The following PDE4D variants were observed in gnomAD, a reference collection of about 807,000 sequenced individuals.
PDE4D encodes phosphodiesterase 4D.
Under a neutral mutation model 87.4 loss-of-function variants are expected in PDE4D, and 24 were observed. The observed-to-expected ratio is 0.27, with a 90% CI of 0.20 to 0.39. The LOEUF is 0.39. Ranked by LOEUF, PDE4D falls within the 10% of genes least tolerant of loss-of-function variation. The pLI, the probability that PDE4D is intolerant of heterozygous loss-of-function variation, is 1.00. For synonymous variants in PDE4D, 384 were observed against 383.2 expected (o/e 1.00, Z -0.02); for missense variants, 714 against 1,041.0 (o/e 0.69, Z 4.32).
intron 5 of PDE4D, among the ~76,000 whole-genome samples, chr5:59,095,282 A>T (rs1053817450): frequency 6.6e-6 from 1 of 151,150 alleles, no homozygotes; most frequent in Non-Finnish European, 1.5e-5. Flanking sequence ...AATATTCATT[A>T]ACAATCTCAT....
intron 5 of PDE4D, among the ~76,000 whole-genome samples, chr5:59,153,396 G>T (rs74321457): frequency 3.3e-5 from 5 of 152,188 alleles, no homozygotes; most frequent in African/African-American, 7.2e-5. Flanking sequence ...CAATGGTATC[G>T]CTTCTCACAT....
At chr5:60,137,714 C>A (rs1206406604) in intron 2 of PDE4D, among the ~76,000 whole-genome samples, 1 of 152,018 alleles carries the variant, frequency 6.6e-6, no homozygotes, top group Non-Finnish European at 1.5e-5. Flanking sequence ...TAGATTGCAA[C>A]AATTTTCTGC....
chr5:60,450,045 T>C (rs1298786304), intron 1 of PDE4D, among the ~76,000 whole-genome samples: 3 of 146,948 alleles, frequency 2.0e-5, no homozygotes, highest in Non-Finnish European at 4.4e-5. Flanking sequence ...AAAATTTTTT[T>C]TCAGTAAAAA....
chr5:60,178,927 A>T (rs1310623223), intron 2 of PDE4D, among the ~76,000 whole-genome samples: 1 of 152,158 alleles, frequency 6.6e-6, no homozygotes, highest in African/African-American at 2.4e-5. Flanking sequence ...TGTAACTGTC[A>T]TAGTTTGGTC....
intron 5 of PDE4D, among the ~76,000 whole-genome samples, chr5:59,131,108 A>C (rs1449601345): frequency 2.6e-5 from 4 of 152,194 alleles, no homozygotes; most frequent in African/African-American, 9.7e-5. Context: ...GAATATAAAA[A>C]AGATGCCTTA....
chr5:59,853,685 C>T (rs575631603), intron 1 of PDE4D, among the ~76,000 whole-genome samples: 1 of 151,996 alleles, frequency 6.6e-6, no homozygotes, highest in African/African-American at 2.4e-5. Flanking sequence ...AGAGGCAGGG[C>T]AGAAACAGGC....
intron 1 of PDE4D, among the ~76,000 whole-genome samples, chr5:59,273,972 A>G (rs933179720): frequency 1.3e-5 from 2 of 152,156 alleles, no homozygotes; most frequent in Non-Finnish European, 2.9e-5. Flanking sequence ...GTTAAACACT[A>G]TTTTTAAAGT....
chr5:60,426,075 C>T (rs1366319387), intron 1 of PDE4D, among the ~76,000 whole-genome samples: 1 of 152,200 alleles, frequency 6.6e-6, no homozygotes, highest in African/African-American at 2.4e-5. Context: ...AATGCCTTTA[C>T]ACTTGGTGGG....
intron 1 of PDE4D, among the ~76,000 whole-genome samples, chr5:60,327,466 T>C (rs1285586429): frequency 6.6e-6 from 1 of 152,192 alleles, no homozygotes; most frequent in Non-Finnish European, 1.5e-5. Flanking sequence ...AGACTGCCCT[T>C]TTTGCATCTG....
At chr5:59,025,843 C>G (rs995944387) in intron 6 of PDE4D, among the ~76,000 whole-genome samples, 5 of 152,348 alleles carry the variant, frequency 3.3e-5, no homozygotes, top group African/African-American at 1.2e-4. Context: ...CAGGCCTGTA[C>G]TTTCTACTCT....
At chr5:60,407,860 C>T (rs1319911703) in intron 1 of PDE4D, among the ~76,000 whole-genome samples, 4 of 152,234 alleles carry the variant, frequency 2.6e-5, no homozygotes, top group South Asian at 2.1e-4. Context: ...TTTAGAAGGG[C>T]GGTCTATGTC....
intron 3 of PDE4D, among the ~76,000 whole-genome samples, chr5:59,931,007 C>T (rs892099019): frequency 4.0e-5 from 6 of 151,578 alleles, no homozygotes; most frequent in African/African-American, 1.4e-4. Flanking sequence ...TCTGGGGATT[C>T]TTGTCTCTCC....
At chr5:59,064,579 A>C (rs1362412715) in intron 5 of PDE4D, among the ~76,000 whole-genome samples, 1 of 152,158 alleles carries the variant, frequency 6.6e-6, no homozygotes, top group African/African-American at 2.4e-5. Flanking sequence ...ATATGCCATA[A>C]ATCTACTAGT....
intron 1 of PDE4D, among the ~76,000 whole-genome samples, chr5:59,803,848 T>C (rs1767435789): frequency 6.6e-6 from 1 of 152,134 alleles, no homozygotes; most frequent in Non-Finnish European, 1.5e-5. Flanking sequence ...GGTCTTAAAA[T>C]AGGAAATAGA....
At chr5:60,499,024 CCAAA>C (rs1419610821) in intron 1 of PDE4D, among the ~76,000 whole-genome samples, 4 of 152,168 alleles carry the variant, frequency 2.6e-5, no homozygotes, top group African/African-American at 9.7e-5. Context: ...CTTACCAAAC[CCAAA>C]CAAAGATTCT....
chr5:60,483,099 G>C (rs1389142442), intron 1 of PDE4D, among the ~76,000 whole-genome samples: 3 of 152,006 alleles, frequency 2.0e-5, no homozygotes, highest in Non-Finnish European at 2.9e-5. Context: ...TATGGTAACT[G>C]AATTAAATAA....
Position 59,550,995 on chromosome 5 carries a change from C to T in PDE4D, c.456-335027G>A, listed in dbSNP as rs115580266. 3.4e-3 allele frequency among the ~76,000 whole-genome samples: 516 copies of T among 152,206 alleles called. 3 individuals carry two copies. Among genetic ancestry groups the T allele is most frequent in the African/African-American group, 0.012 (482 of 41,522 alleles). ...ATAGGCGTGAGCCACCCCACCTGGA[C>T]GATTTCTAAGGATTTTTAAGACATT... On this transcript the variant is annotated intron_variant, in intron 1 of 14. Coordinates refer to ENST00000340635, the MANE Select transcript of PDE4D (RefSeq NM_001104631.2).
At chr5:59,290,783 A>G (rs528308130) in intron 1 of PDE4D, among the ~76,000 whole-genome samples, 3 of 152,128 alleles carry the variant, frequency 2.0e-5, no homozygotes, top group Admixed American at 1.3e-4. Context: ...CTGAACACAC[A>G]TTTCTCAAAA....
In PDE4D at chr5:59,057,874, A is replaced by G. The variant is rs566243220; in HGVS notation, c.809-18903T>C. ...GCCTGATCAGCCTGTGTATTTTGCC[A>G]TATTATCTAGCATTAGTAGGGGACT... On this transcript the variant is annotated intron_variant, in intron 5 of 14. Transcript: ENST00000340635. Among the ~76,000 whole-genome samples the G allele has an allele frequency of 5.3e-5, 8 of 152,326 alleles. No individual in the cohort carries two copies. In the East Asian group the frequency reaches 5.8e-4, roughly 11 times the overall value.
Sources: gnomAD v4.1 joint callset for allele counts (sites outside exome capture counted in the v4.1 genomes callset) on GRCh38, gnomAD v4.1.1 for gene constraint, MANE v1.5 for transcripts, NCBI Gene and HGNC (gene_info 2026-07-23, HGNC 2026-07-21) for gene names.